The following CPSF4 variants were observed in gnomAD, a reference collection of about 807,000 sequenced individuals.
CPSF4 encodes the protein cleavage and polyadenylation specificity factor subunit 4.
CPSF4 carries 11 observed loss-of-function variants against 37.7 expected under a neutral mutation model. That is an observed-to-expected ratio of 0.29 (90% confidence interval 0.18 to 0.48). The LOEUF (loss-of-function observed/expected upper bound fraction) is 0.48, where lower values mean the gene tolerates loss of function less well. Among genes scored for constraint, CPSF4 ranks in the 20% least tolerant of loss-of-function variants. The probability of loss-of-function intolerance (pLI) is 0.99; values close to 1 mark genes in which losing one functional copy is unlikely to be tolerated. For synonymous variants in CPSF4, 132 were observed against 135.9 expected (o/e 0.97, Z 0.20); for missense variants, 144 against 359.5 (o/e 0.40, Z 4.85).
At chr7:99,455,011 C>T (rs867040391) in intron 7 of CPSF4, among the ~76,000 whole-genome samples, 36 of 152,180 alleles carry the variant, frequency 2.4e-4, no homozygotes, top group Admixed American at 1.2e-3. Context: ...GCTATGACTG[C>T]ACCACTGCAC....
chr7:99,455,194 G>A (rs1281706611), intron 7 of CPSF4, among the ~76,000 whole-genome samples: 2 of 152,208 alleles, frequency 1.3e-5, no homozygotes, highest in South Asian at 2.1e-4. Context: ...AGAAAGGTAG[G>A]GCTGACCGCC....
Position 99,440,674 on chromosome 7 carries a change from A to ATATATATATATATTTTTTTTTT in CPSF4, c.103+1490_103+1491insATATATATATATTTTTTTTTTT. On this transcript the variant is annotated intron_variant, in intron 1 of 7. Transcript: ENST00000292476. ...ACCTGGCATATATATATATATATAT[A>ATATATATATATATTTTTTTTTT]TTTTTTTTTTTTTTTTTTTCCTGCC... 6.8e-5 allele frequency among the ~76,000 whole-genome samples: 6 copies of ATATATATATATATTTTTTTTTT among 88,076 alleles called. No individual in the cohort carries two copies. The East Asian group carries it at 1.0e-3, about 15-fold the overall frequency. The allele number at this position is 88,076 out of a possible 152,430, so 57.8% of individuals were successfully genotyped here. A position where few individuals can be genotyped will look rare whatever the true frequency, so the allele number is the denominator to read the frequency against.
Position 99,448,373 on chromosome 7 carries a change from C to T in CPSF4, c.307+100C>T. On this transcript the variant is annotated intron_variant, in intron 3 of 7. Coordinates refer to ENST00000292476, the MANE Select transcript of CPSF4 (RefSeq NM_006693.4). This position sits in a 1 kb window ranked among gnomAD's most constrained non-coding sequence, Gnocchi z 4.4. ...CACTGTCTCTGCCTGCTTTTCCCAT[C>T]TTTCTATTCTCAGAGGAGAACTCTG... is the stretch of plus-strand genomic sequence containing the variant. The T allele has an allele frequency of 7.6e-7, 1 of 1,314,836 alleles. No individual in the cohort carries two copies. Among genetic ancestry groups the T allele is most frequent in the Admixed American group, 2.5e-5 (1 of 40,198 alleles). The allele number at this position is 1,314,836 out of a possible 1,614,324, so 81.4% of individuals were successfully genotyped here. A position where few individuals can be genotyped will look rare whatever the true frequency, so the allele number is the denominator to read the frequency against.
intron 5 of CPSF4, among the ~76,000 whole-genome samples, chr7:99,451,231 C>T (rs544971965): frequency 6.6e-6 from 1 of 152,270 alleles, no homozygotes; most frequent in African/African-American, 2.4e-5. Context: ...GAGAACGCAC[C>T]CATTTCACAC....
chr7:99,440,674 A>ATT lies in CPSF4; in HGVS notation c.103+1507_103+1508dup, dbSNP rs1195402168. Among the ~76,000 whole-genome samples, 116 of 88,084 alleles carry ATT rather than the reference A, an allele frequency of 1.3e-3. 4 individuals are homozygous for ATT. The highest frequency in any genetic ancestry group is 5.0e-3 in the Middle Eastern group (1 of 202). The allele number at this position is 88,084 out of a possible 152,430, so 57.8% of individuals were successfully genotyped here. A position where few individuals can be genotyped will look rare whatever the true frequency, so the allele number is the denominator to read the frequency against. The stretch of plus-strand genomic sequence containing the variant: ...ACCTGGCATATATATATATATATAT[A>ATT]TTTTTTTTTTTTTTTTTTTCCTGCC... On this transcript the variant is annotated intron_variant, in intron 1 of 7. Transcript: ENST00000292476.
rs573304862 is a variant in CPSF4 at position 99,456,353 on chromosome 7, G to A, written c.742-79G>A. 58 of 1,272,494 alleles carry A rather than the reference G, an allele frequency of 4.6e-5. No individual in the cohort carries two copies. The African/African-American group carries it at 6.9e-4, about 15-fold the overall frequency. The allele number at this position is 1,272,494 out of a possible 1,614,324, so 78.8% of individuals were successfully genotyped here. On this transcript the variant is annotated intron_variant, in intron 7 of 7. Coordinates refer to ENST00000292476, the MANE Select transcript of CPSF4 (RefSeq NM_006693.4). The stretch of plus-strand genomic sequence containing the variant: ...TGGTGGATGATTTGGGATTTGGTGG[G>A]CACTCCCTTAGTTGAAAACTGCATT...
intron 7 of CPSF4, 115 bp from the exon 8 acceptor site, chr7:99,456,317 G>T: frequency 1.2e-6 from 1 of 866,470 alleles, no homozygotes; most frequent in South Asian, 1.4e-5. Flanking sequence ...GTCATGTCCC[G>T]ACTGGGGACT....
chr7:99,442,997 TTTC>T (rs757272319), intron 1 of CPSF4: 153 of 1,557,010 alleles, frequency 9.8e-5, no homozygotes, highest in Non-Finnish European at 1.1e-4. Flanking sequence ...TCTTTTTCAG[TTTC>T]TTATCATCTT....
chr7:99,448,412 G>T lies in CPSF4; in HGVS notation c.307+139G>T. 1 of 827,776 alleles carries T rather than the reference G, an allele frequency of 1.2e-6. No individual in the cohort carries two copies. Among genetic ancestry groups the T allele is most frequent in the South Asian group, 1.9e-5 (1 of 52,032 alleles). 51.3% of individuals were successfully genotyped at this position (827,776 alleles called of 1,614,324 possible). A position where few individuals can be genotyped will look rare whatever the true frequency, so the allele number is the denominator to read the frequency against. On this transcript the variant is annotated intron_variant, in intron 3 of 7. Coordinates refer to ENST00000292476, the MANE Select transcript of CPSF4 (RefSeq NM_006693.4). This position sits in a 1 kb window ranked among gnomAD's most constrained non-coding sequence, Gnocchi z 4.4. ...AGGAGAACTCTGGCAGAACCTGCCA[G>T]CCTCAGCCAGCTTTTAGGGGACAGT...
chr7:99,449,656 G>T (rs1408035420), intron 3 of CPSF4, among the ~76,000 whole-genome samples: 5 of 152,238 alleles, frequency 3.3e-5, no homozygotes, highest in Non-Finnish European at 7.3e-5. Context: ...GTGGTCCAGG[G>T]AAAGAGGTAG....
Position 99,448,414 on chromosome 7 carries a change from C to G in CPSF4, c.307+141C>G. ...GAGAACTCTGGCAGAACCTGCCAGC[C>G]TCAGCCAGCTTTTAGGGGACAGTGT... is the stretch of plus-strand genomic sequence containing the variant. On this transcript the variant is annotated intron_variant, in intron 3 of 7. Coordinates refer to ENST00000292476, the MANE Select transcript of CPSF4 (RefSeq NM_006693.4). The surrounding 1 kb of genome is among the most constrained non-coding windows in gnomAD (Gnocchi z 4.4). The G allele has an allele frequency of 2.4e-6, 2 of 850,594 alleles. No homozygotes were observed. Among genetic ancestry groups the G allele is most frequent in the Non-Finnish European group, 3.5e-6 (2 of 576,508 alleles). The allele number at this position is 850,594 out of a possible 1,614,324, so 52.7% of individuals were successfully genotyped here. A position where few individuals can be genotyped will look rare whatever the true frequency, so the allele number is the denominator to read the frequency against.
chr7:99,440,674 A>ATATATATATATATATTTTTTTTTT, intron 1 of CPSF4, among the ~76,000 whole-genome samples: 3 of 88,082 alleles, frequency 3.4e-5, no homozygotes, highest in East Asian at 3.4e-4. Context: ...ATATATATAT[A>ATATATATATATATATTTTTTTTTT]TTTTTTTTTT....
rs1359277197 is a variant in CPSF4, at chr7:99,456,642, C to G, written c.*142C>G. 2.8e-6 allele frequency: 2 copies of G among 724,266 alleles called. No homozygotes were observed. The highest frequency in any genetic ancestry group is 5.0e-6 in the Non-Finnish European group (2 of 403,756). The allele number at this position is 724,266 out of a possible 1,614,324, so 44.9% of individuals were successfully genotyped here. ...GTTTCATCACTCTGAGGGGCCACGT[C>G]TGTTAGTTTCCTATCATTTTGCCTT... On this transcript the variant is annotated 3_prime_UTR_variant, in exon 8 of 8. Transcript: ENST00000292476.
chr7:99,446,063 T>C (rs1390961637), intron 2 of CPSF4, among the ~76,000 whole-genome samples: 2 of 152,188 alleles, frequency 1.3e-5, no homozygotes, highest in African/African-American at 2.4e-5. Context: ...ATGAATGGTT[T>C]TGGTGAGTTT....
chr7:99,446,399 T>C (rs1584496635), intron 2 of CPSF4, among the ~76,000 whole-genome samples: 1 of 152,162 alleles, frequency 6.6e-6, no homozygotes, highest in Non-Finnish European at 1.5e-5. Context: ...AGTAGTCACA[T>C]GGGGCTAGCA....
chr7:99,456,504 C>A lies in CPSF4; in HGVS notation c.*4C>A. 1 of 1,613,756 alleles carries A rather than the reference C, an allele frequency of 6.2e-7. No homozygotes were observed. Among genetic ancestry groups the A allele is most frequent in the East Asian group, 2.2e-5 (1 of 44,866 alleles). ...GGCCTTTCTCAGTGGACAGTGACAG[C>A]AGCTGGAGCCAGCTCCGAGCAGCCC... is the stretch of plus-strand genomic sequence containing the variant. On this transcript the variant is annotated 3_prime_UTR_variant, in exon 8 of 8. Coordinates refer to ENST00000292476, the MANE Select transcript of CPSF4 (RefSeq NM_006693.4).
chr7:99,450,292 G>A lies in CPSF4; in HGVS notation c.324G>A (p.Lys108=), dbSNP rs761251155. 4 of 1,613,912 alleles carry A rather than the reference G, an allele frequency of 2.5e-6. No homozygotes were observed. Among genetic ancestry groups the A allele is most frequent in the Non-Finnish European group, 3.4e-6 (4 of 1,179,846 alleles). The change falls in exon 4 of 8, where the codon AAG becomes AAA. Residue 108 remains lysine, a synonymous_variant. Transcript: ENST00000292476. ...TCCCTGCAGGGGAGTGCAGCAACAA[G>A]GAATGTCCCTTCCTGCACATCGACC... ...FYSKFGECSN[K]ECPFLHIDPE... is the part of the protein sequence containing the mutation.
intron 2 of CPSF4, chr7:99,447,756 A>AT: frequency 2.3e-6 from 1 of 433,738 alleles, no homozygotes. Context: ...TGCGCGGCTA[A>AT]TTTTTTGTAT....
In CPSF4 at chr7:99,456,760, G is replaced by A. The variant is rs114036924; in HGVS notation, c.*260G>A. ...TCGATGCCTCCTTTCTGGGACTCCCGGCACAACTCCCCTCATCCAGGGAGG... is the reference window on the plus strand; with the variant it reads ...TCGATGCCTCCTTTCTGGGACTCCCAGCACAACTCCCCTCATCCAGGGAGG... On this transcript the variant is annotated 3_prime_UTR_variant, in exon 8 of 8. Transcript: ENST00000292476. The A allele has an allele frequency of 5.4e-5, 30 of 550,844 alleles. 1 individual carries two copies. The highest frequency in any genetic ancestry group is 3.4e-4 in the East Asian group (10 of 29,560). The allele number at this position is 550,844 out of a possible 1,614,324, so 34.1% of individuals were successfully genotyped here. A position where few individuals can be genotyped will look rare whatever the true frequency, so the allele number is the denominator to read the frequency against.
Sources: gnomAD v4.1 joint callset for allele counts (sites outside exome capture counted in the v4.1 genomes callset) on GRCh38, gnomAD v4.1.1 for gene constraint, Gnocchi (gnomAD v3.1) non-coding constraint, MANE v1.5 for transcripts, NCBI Gene and HGNC (gene_info 2026-07-23, HGNC 2026-07-21) for gene names.